NRG3: variants seen among roughly 807,000 people sequenced by gnomAD.
NRG3 encodes pro-neuregulin-3, membrane-bound isoform.
NRG3 carries 31 observed loss-of-function variants against 66.9 expected under a neutral mutation model. The ratio of observed to expected loss-of-function variants is 0.46; its 90% CI spans 0.35 to 0.63. The LOEUF is 0.63. Among genes scored for constraint, NRG3 ranks in the 20% least tolerant of loss-of-function variants. The probability of loss-of-function intolerance (pLI) is 0.00; values close to 1 mark genes in which losing one functional copy is unlikely to be tolerated. For missense variants in NRG3, 910 were observed against 878.9 expected (o/e 1.04, Z -0.45); for synonymous variants, 393 against 359.4 (o/e 1.09, Z -1.06).
At chr10:82,002,757 GTGCATAGA>G (rs1181684876) in intron 1 of NRG3, among the ~76,000 whole-genome samples, 1 of 152,150 alleles carries the variant, frequency 6.6e-6, no homozygotes, top group Non-Finnish European at 1.5e-5. Flanking sequence ...CTTTTCCACT[GTGCATAGA>G]TGCAAGAAAA....
At chr10:82,893,454 C>T (rs758016222) in intron 4 of NRG3, among the ~76,000 whole-genome samples, 1 of 152,184 alleles carries the variant, frequency 6.6e-6, no homozygotes, top group Non-Finnish European at 1.5e-5. Context: ...CTTTGGGAAG[C>T]TAAGGCGGGC....
intron 2 of NRG3, among the ~76,000 whole-genome samples, chr10:82,701,476 A>G (rs1397117609): frequency 2.6e-5 from 4 of 152,174 alleles, no homozygotes; most frequent in African/African-American, 9.6e-5. Flanking sequence ...ACAAGGAATT[A>G]AGAGGTCAAG....
intron 2 of NRG3, among the ~76,000 whole-genome samples, chr10:82,708,049 G>A (rs1393071736): frequency 6.6e-6 from 1 of 151,706 alleles, no homozygotes; most frequent in East Asian, 1.9e-4. Flanking sequence ...AAATACATAA[G>A]ATAAAATTAC....
At chr10:82,684,998 A>C (rs1358467064) in intron 2 of NRG3, among the ~76,000 whole-genome samples, 1 of 152,184 alleles carries the variant, frequency 6.6e-6, no homozygotes, top group Non-Finnish European at 1.5e-5. Context: ...AATGGGTTTG[A>C]GAACATGAAT....
rs116477797 is a variant in NRG3, at chr10:82,164,645, G to T, written c.824-194094G>T. 6.8e-3 allele frequency among the ~76,000 whole-genome samples: 1,034 copies of T among 152,254 alleles called. 10 individuals are homozygous for T. The highest frequency in any genetic ancestry group is 0.024 in the African/African-American group (977 of 41,558). On this transcript the variant is annotated intron_variant, in intron 1 of 8. Transcript: ENST00000372141. ...GAGCAAGAGTGCAAGTAGCAGGGGG[G>T]AGATTTGGAGTCAAGAGATGGCAGT...
At chr10:81,932,634 A>G (rs1407479335) in intron 1 of NRG3, among the ~76,000 whole-genome samples, 1 of 152,194 alleles carries the variant, frequency 6.6e-6, no homozygotes, top group Non-Finnish European at 1.5e-5. Flanking sequence ...GTACAATCTT[A>G]AGTATTTCAA....
chr10:82,641,317 G>A (rs550073330), intron 2 of NRG3, among the ~76,000 whole-genome samples: 1 of 152,220 alleles, frequency 6.6e-6, no homozygotes, highest in South Asian at 2.1e-4. Flanking sequence ...CTGTGCGCTT[G>A]TGTATGTCTG....
intron 1 of NRG3, among the ~76,000 whole-genome samples, chr10:82,204,635 T>C (rs1180544396): frequency 6.6e-6 from 1 of 152,184 alleles, no homozygotes; most frequent in Non-Finnish European, 1.5e-5. Context: ...GGAGTAGTAA[T>C]ATCTCTCCAC....
At chr10:82,323,844 T>G (rs1453263655) in intron 1 of NRG3, among the ~76,000 whole-genome samples, 2 of 152,098 alleles carry the variant, frequency 1.3e-5, no homozygotes, top group Non-Finnish European at 2.9e-5. Flanking sequence ...CTTCTATGGT[T>G]TGATGTTTTA....
intron 2 of NRG3, among the ~76,000 whole-genome samples, chr10:82,530,868 T>A (rs905342531): frequency 6.6e-6 from 1 of 151,868 alleles, no homozygotes; most frequent in African/African-American, 2.4e-5. Context: ...TGACATCAAT[T>A]TGAGAAGGCC....
chr10:82,013,458 G>A (rs2207778), intron 1 of NRG3, among the ~76,000 whole-genome samples: 17,449 of 152,166 alleles, frequency 0.11, 1,236 homozygotes, highest in East Asian at 0.16. Context: ...ATCACAAGTA[G>A]AGTGGTAATA....
chr10:82,549,544 T>C (rs2044164897), intron 2 of NRG3, among the ~76,000 whole-genome samples: 1 of 152,162 alleles, frequency 6.6e-6, no homozygotes, highest in Non-Finnish European at 1.5e-5. Context: ...TCAATTCCCT[T>C]TGCACCTCTT....
At chr10:82,163,281 A>G (rs953278128) in intron 1 of NRG3, among the ~76,000 whole-genome samples, 1 of 152,174 alleles carries the variant, frequency 6.6e-6, no homozygotes, top group African/African-American at 2.4e-5. Flanking sequence ...TCAGGTTCTC[A>G]AGGAAAATGC....
chr10:82,056,449 A>G (rs940563420), intron 1 of NRG3, among the ~76,000 whole-genome samples: 7 of 152,198 alleles, frequency 4.6e-5, no homozygotes, highest in Non-Finnish European at 8.8e-5. Context: ...AGATTTAGAT[A>G]CAATTATAGA....
At chr10:81,947,884 C>T (rs1848992585) in intron 1 of NRG3, among the ~76,000 whole-genome samples, 1 of 151,842 alleles carries the variant, frequency 6.6e-6, no homozygotes, top group African/African-American at 2.4e-5. Flanking sequence ...GGAATAGAAC[C>T]CCGTATTTGT....
chr10:82,071,814 A>G (rs1190021130), intron 1 of NRG3, among the ~76,000 whole-genome samples: 2 of 152,206 alleles, frequency 1.3e-5, no homozygotes, highest in Non-Finnish European at 2.9e-5. Flanking sequence ...ATGAAGGAAA[A>G]AGATGTTGGG....
chr10:82,103,748 T>C (rs1486921026), intron 1 of NRG3, among the ~76,000 whole-genome samples: 3 of 152,138 alleles, frequency 2.0e-5, no homozygotes, highest in Non-Finnish European at 4.4e-5. Flanking sequence ...CCTCCTCCAG[T>C]TCTGAGGCCA....
chr10:82,813,859 C>CA (rs1306846387), intron 3 of NRG3, among the ~76,000 whole-genome samples: 1 of 152,056 alleles, frequency 6.6e-6, no homozygotes, highest in Non-Finnish European at 1.5e-5. Flanking sequence ...ACTGAGGGCC[C>CA]AAAGCTGTGT....
intron 4 of NRG3, among the ~76,000 whole-genome samples, chr10:82,917,968 G>A (rs59013794): frequency 0.088 from 8,056 of 91,976 alleles, 390 homozygotes; most frequent in African/African-American, 0.14. Context: ...GTGTGTGTGT[G>A]TGTATATATA....
Sources: allele counts gnomAD v4.1 joint callset (sites outside exome capture counted in the v4.1 genomes callset), GRCh38; gene constraint gnomAD v4.1.1; transcripts MANE v1.5; gene names NCBI Gene and HGNC (gene_info 2026-07-23, HGNC 2026-07-21).